ANTXR2: variants seen among roughly 807,000 people sequenced by gnomAD.
The protein encoded by ANTXR2 is ANTXR cell adhesion molecule 2, also known as anthrax toxin receptor 2.
Under a neutral mutation model 73.7 loss-of-function variants are expected in ANTXR2, and 44 were observed. The ratio of observed to expected loss-of-function variants is 0.60; its 90% CI spans 0.47 to 0.77. ANTXR2 has a LOEUF of 0.77. ANTXR2 is among the 30% of genes least tolerant of loss of function. ANTXR2 has a pLI of 0.00. For missense variants in ANTXR2, 604 were observed against 592.5 expected, an observed-to-expected ratio of 1.02 and a Z score of -0.20; for synonymous variants, 217 against 205.9, an observed-to-expected ratio of 1.05 and a Z score of -0.46.
rs1726961494 is a variant in ANTXR2 at position 79,907,474 on chromosome 4, A to C, written c.1429-7T>G. On this transcript the variant is annotated splice_polypyrimidine_tract_variant and splice_region_variant and intron_variant, in intron 16 of 16. Transcript: ENST00000403729. ...AGAAGTTTATGCACCGGCCCTGAAG[A>C]AAGAAATAAATCCATATTGAAATAT... 1 of 1,612,412 alleles carries C rather than the reference A, an allele frequency of 6.2e-7. No homozygotes were observed. Among genetic ancestry groups the C allele is most frequent in the African/African-American group, 1.3e-5 (1 of 74,998 alleles).
In ANTXR2 at chr4:80,018,080, C is replaced by A. The variant is rs190866311; in HGVS notation, c.945+818G>T. 2.5e-3 allele frequency among the ~76,000 whole-genome samples: 379 copies of A among 152,056 alleles called. 3 individuals carry two copies. The highest frequency in any genetic ancestry group is 8.7e-3 in the African/African-American group (362 of 41,476). On this transcript the variant is annotated intron_variant, in intron 11 of 16. Coordinates refer to ENST00000403729, the MANE Select transcript of ANTXR2 (RefSeq NM_058172.6). ...AAGGGTATCTCTCGAATTAGTAGAT[C>A]AAAATCAAAATATAAAACAATGAAA... is the stretch of plus-strand genomic sequence containing the variant.
intron 3 of ANTXR2, among the ~76,000 whole-genome samples, chr4:80,059,740 AG>A (rs770807883): frequency 6.6e-6 from 1 of 152,172 alleles, no homozygotes; most frequent in East Asian, 1.9e-4. Flanking sequence ...AGGGCAGGGA[AG>A]GGAAGGAGAG....
chr4:80,035,084 T>G (rs1337389205), intron 8 of ANTXR2, among the ~76,000 whole-genome samples: 1 of 152,156 alleles, frequency 6.6e-6, no homozygotes, highest in Non-Finnish European at 1.5e-5. Context: ...AAATTATAAA[T>G]GCAAACAACC....
intron 11 of ANTXR2, among the ~76,000 whole-genome samples, chr4:80,011,313 A>ATCTATCTGTCTG (rs1418775312): frequency 1.4e-3 from 161 of 116,876 alleles, no homozygotes; most frequent in African/African-American, 4.1e-3. Context: ...CTATCTATCT[A>ATCTATCTGTCTG]TCTGTCTATC....
At chr4:80,066,715 A>G (rs1734513238) in intron 3 of ANTXR2, among the ~76,000 whole-genome samples, 1 of 152,042 alleles carries the variant, frequency 6.6e-6, no homozygotes, top group Non-Finnish European at 1.5e-5. Flanking sequence ...TAACAATTTT[A>G]TGGGGTAGGT....
chr4:79,996,820 A>C (rs1481088010), intron 12 of ANTXR2, among the ~76,000 whole-genome samples: 2 of 152,162 alleles, frequency 1.3e-5, no homozygotes, highest in African/African-American at 4.8e-5. Context: ...ACCATATTTT[A>C]TGAGAATTTG....
chr4:80,036,040 A>AG lies in ANTXR2; in HGVS notation c.637-9dup. ...ACATGACTGAGCTAGTATCTAAAAA[A>AG]GAAAAAAAAAAAAGATTACCAAGCT... On this transcript the variant is annotated splice_polypyrimidine_tract_variant and intron_variant, in intron 7 of 16. Transcript: ENST00000403729. 6.7e-7 allele frequency: 1 copy of AG among 1,502,646 alleles called. No individual in the cohort carries two copies. Among genetic ancestry groups the AG allele is most frequent in the South Asian group, 1.3e-5 (1 of 75,376 alleles). The allele number at this position is 1,502,646 out of a possible 1,614,324, so 93.1% of individuals were successfully genotyped here. A position where few individuals can be genotyped will look rare whatever the true frequency, so the allele number is the denominator to read the frequency against.
intron 16 of ANTXR2, among the ~76,000 whole-genome samples, chr4:79,953,908 A>G (rs1322817007): frequency 6.6e-6 from 1 of 152,102 alleles, no homozygotes; most frequent in Non-Finnish European, 1.5e-5. Context: ...GTTCACTAGT[A>G]CTTCTCATTT....
At chr4:79,919,915 AT>A (rs1727526333) in intron 16 of ANTXR2, among the ~76,000 whole-genome samples, 21 of 17,874 alleles carry the variant, frequency 1.2e-3, no homozygotes, top group African/African-American at 3.1e-3. Context: ...ATATATATAT[AT>A]ATATAAAAAA....
chr4:79,934,658 A>T (rs142929954), intron 16 of ANTXR2, among the ~76,000 whole-genome samples: 1 of 152,318 alleles, frequency 6.6e-6, no homozygotes, highest in Non-Finnish European at 1.5e-5. Context: ...TACCAGGAGA[A>T]TTATGTGAAT....
rs1726808839 is a variant in ANTXR2, at chr4:79,903,933, A to G, written c.*3496T>C. On this transcript the variant is annotated 3_prime_UTR_variant, in exon 17 of 17. Transcript: ENST00000403729. ...TTCTAAAGTAATGTGATGCTAGAAAATGCTAGTAAAAGCTAACCAATATAC... is the reference window on the plus strand; with the variant it reads ...TTCTAAAGTAATGTGATGCTAGAAAGTGCTAGTAAAAGCTAACCAATATAC... 1 of 152,180 alleles carries G rather than the reference A, an allele frequency of 6.6e-6. No homozygotes were observed. Among genetic ancestry groups the G allele is most frequent in the Non-Finnish European group, 1.5e-5 (1 of 68,020 alleles). The allele number at this position is 152,180 out of a possible 1,614,324, so 9.4% of individuals were successfully genotyped here. A position where few individuals can be genotyped will look rare whatever the true frequency, so the allele number is the denominator to read the frequency against.
chr4:79,926,200 C>A (rs1423312960), intron 16 of ANTXR2, among the ~76,000 whole-genome samples: 2 of 152,070 alleles, frequency 1.3e-5, no homozygotes, highest in African/African-American at 4.8e-5. Context: ...AGAATTAACA[C>A]CCTATATTTG....
chr4:80,002,505 G>C (rs1423365050), intron 12 of ANTXR2, among the ~76,000 whole-genome samples: 2 of 152,044 alleles, frequency 1.3e-5, no homozygotes, highest in Non-Finnish European at 2.9e-5. Flanking sequence ...CATGGGCAAG[G>C]ACTTCATGTC....
At chr4:80,033,068 GTGTGACA>G (rs1485036187) in intron 9 of ANTXR2, among the ~76,000 whole-genome samples, 2 of 151,798 alleles carry the variant, frequency 1.3e-5, no homozygotes, top group African/African-American at 4.8e-5. Flanking sequence ...TTTAAGGCAG[GTGTGACA>G]AGAAAGAAGC....
At chr4:79,927,294 C>CCACAAACACACA (rs1553926041) in intron 16 of ANTXR2, among the ~76,000 whole-genome samples, 1 of 150,216 alleles carries the variant, frequency 6.7e-6, no homozygotes, top group African/African-American at 2.5e-5. Flanking sequence ...GGAGCTCTTA[C>CCACAAACACACA]CACACACACA....
At chr4:80,035,679 T>G (rs1732918748) in intron 8 of ANTXR2, among the ~76,000 whole-genome samples, 1 of 152,114 alleles carries the variant, frequency 6.6e-6, no homozygotes, top group Non-Finnish European at 1.5e-5. Context: ...AAGAAACAAT[T>G]TCATATTTTA....
chr4:79,984,091 T>C (rs1730000110), intron 13 of ANTXR2, 121 bp from the exon 14 acceptor site: 2 of 704,540 alleles, frequency 2.8e-6, no homozygotes, highest in South Asian at 2.0e-5. Context: ...AAACTATGTA[T>C]AGAACATGTG....
Position 79,903,892 on chromosome 4 carries a change from G to A in ANTXR2, c.*3537C>T, listed in dbSNP as rs1726807476. On this transcript the variant is annotated 3_prime_UTR_variant, in exon 17 of 17. Coordinates refer to ENST00000403729, the MANE Select transcript of ANTXR2 (RefSeq NM_058172.6). ...CCCACCAAACTTTTCCAGTAGTAAT[G>A]AAACTCTCAAAAACTTTCTAAAGTA... The A allele has an allele frequency of 6.6e-6, 1 of 152,042 alleles. No homozygotes were observed. Among genetic ancestry groups the A allele is most frequent in the South Asian group, 2.1e-4 (1 of 4,826 alleles). The allele number at this position is 152,042 out of a possible 1,614,324, so 9.4% of individuals were successfully genotyped here.
intron 16 of ANTXR2, among the ~76,000 whole-genome samples, chr4:79,934,019 T>G (rs1728164174): frequency 6.6e-6 from 1 of 152,118 alleles, no homozygotes; most frequent in African/African-American, 2.4e-5. Context: ...ATTGCAGGCA[T>G]GAGCCATCGC....
Sources: gnomAD v4.1 joint callset for allele counts (sites outside exome capture counted in the v4.1 genomes callset) on GRCh38, gnomAD v4.1.1 for gene constraint, MANE v1.5 for transcripts, NCBI Gene and HGNC (gene_info 2026-07-23, HGNC 2026-07-21) for gene names.